RAP1GAP: variants seen among roughly 807,000 people sequenced by gnomAD.
RAP1GAP encodes rap1 GTPase-activating protein 1.
A neutral mutation model predicts 87.2 loss-of-function variants in RAP1GAP; 35 were observed. The observed-to-expected ratio is 0.40, with a 90% CI of 0.31 to 0.53. RAP1GAP has a LOEUF of 0.53. Ranked by LOEUF, RAP1GAP falls within the 20% of genes least tolerant of loss-of-function variation. The pLI, the probability that RAP1GAP is intolerant of heterozygous loss-of-function variation, is 0.48. For synonymous variants in RAP1GAP, 375 were observed against 363.9 expected, an observed-to-expected ratio of 1.03 and a Z score of -0.35; for missense variants, 734 against 898.9, an observed-to-expected ratio of 0.82 and a Z score of 2.35.
chr1:21,620,542 G>T (rs112324778), intron 3 of RAP1GAP, among the ~76,000 whole-genome samples: 22,727 of 43,772 alleles, frequency 0.52, 1,890 homozygotes, highest in Middle Eastern at 0.6. Context: ...ATGCCCAGCG[G>T]CCCAGCACCT....
At chr1:21,643,629 C>T (rs2095756254) in intron 2 of RAP1GAP, among the ~76,000 whole-genome samples, 1 of 151,988 alleles carries the variant, frequency 6.6e-6, no homozygotes, top group African/African-American at 2.4e-5. Context: ...CCCCCTGTGG[C>T]CACGACAGTG....
In RAP1GAP at chr1:21,613,859, T is replaced by G. The variant is rs1236850782; in HGVS notation, c.395+127A>C. Reference sequence around the variant, plus strand: ...GGCTGACTCGGGTACTAACTTGCTGTGCAACCTCAAGCAAATCCCTGCCCC... The same window carrying G: ...GGCTGACTCGGGTACTAACTTGCTGGGCAACCTCAAGCAAATCCCTGCCCC... On this transcript the variant is annotated intron_variant, in intron 8 of 24. Transcript: ENST00000374765. This position sits in a 1 kb window ranked among gnomAD's most constrained non-coding sequence, Gnocchi z 4.7. 3.5e-6 allele frequency: 4 copies of G among 1,144,992 alleles called. No homozygotes were observed. Among genetic ancestry groups the G allele is most frequent in the Non-Finnish European group, 5.1e-6 (4 of 784,478 alleles). The allele number at this position is 1,144,992 out of a possible 1,614,324, so 70.9% of individuals were successfully genotyped here. A position where few individuals can be genotyped will look rare whatever the true frequency, so the allele number is the denominator to read the frequency against.
chr1:21,651,730 A>C, intron 1 of RAP1GAP: 30 of 1,108,726 alleles, frequency 2.7e-5, no homozygotes, highest in Non-Finnish European at 3.4e-5. Flanking sequence ...CCACGCGTGC[A>C]CACGCACACG....
chr1:21,623,882 T>C (rs1297609863), intron 3 of RAP1GAP, among the ~76,000 whole-genome samples: 2 of 152,148 alleles, frequency 1.3e-5, no homozygotes, highest in African/African-American at 2.4e-5. Flanking sequence ...CCAGGTGGCA[T>C]GGAAGGTGTG....
chr1:21,647,843 G>A (rs570369030), intron 2 of RAP1GAP, among the ~76,000 whole-genome samples: 8 of 150,950 alleles, frequency 5.3e-5, no homozygotes, highest in Admixed American at 1.3e-4. Flanking sequence ...AGTTGGGCTG[G>A]AGGTGTGGCG....
chr1:21,644,078 A>G (rs1427358026), intron 2 of RAP1GAP, among the ~76,000 whole-genome samples: 2 of 152,188 alleles, frequency 1.3e-5, no homozygotes, highest in Admixed American at 1.3e-4. Context: ...AAGATCACAC[A>G]GCCAAACAGT....
intron 1 of RAP1GAP, among the ~76,000 whole-genome samples, chr1:21,660,545 G>T (rs2097115582): frequency 6.6e-6 from 1 of 151,372 alleles, no homozygotes; most frequent in Admixed American, 6.6e-5. Flanking sequence ...TTTTGGCCAG[G>T]CTGGTCTTCA....
chr1:21,641,600 C>T (rs2095530516), intron 2 of RAP1GAP, among the ~76,000 whole-genome samples: 1 of 152,230 alleles, frequency 6.6e-6, no homozygotes, highest in Admixed American at 6.5e-5. Context: ...AGTTCTTAGA[C>T]TAGTACCTGG....
In RAP1GAP at chr1:21,634,578, A is replaced by T. The variant is rs1372365426; in HGVS notation, c.-112-8181T>A. On this transcript the variant is annotated intron_variant, in intron 2 of 24. Coordinates refer to ENST00000374765, the MANE Select transcript of RAP1GAP (RefSeq NM_002885.4). This position sits in a 1 kb window ranked among gnomAD's most constrained non-coding sequence, Gnocchi z 4.1. Reference sequence around the variant, plus strand: ...CCCCAAGCTGGGCAGAGGGATGGGCAGGAAGGTGGCACATGGGGCCGCCAC... The same window carrying T: ...CCCCAAGCTGGGCAGAGGGATGGGCTGGAAGGTGGCACATGGGGCCGCCAC... Among the ~76,000 whole-genome samples, 3 of 152,182 alleles carry T rather than the reference A, an allele frequency of 2.0e-5. No individual in the cohort carries two copies. Among genetic ancestry groups the T allele is most frequent in the Admixed American group, 2.0e-4 (3 of 15,284 alleles).
Position 21,603,793 on chromosome 1 carries a change from G to T in RAP1GAP, c.1429-880C>A. The T allele has an allele frequency of 6.4e-7, 1 of 1,567,896 alleles. No homozygotes were observed. Among genetic ancestry groups the T allele is most frequent in the Non-Finnish European group, 8.8e-7 (1 of 1,138,888 alleles). Reference sequence around the variant, plus strand: ...CCTGAGAGCGAGCAGAGAACAGCGCGTGCAGGCAGCCTCCAGAGCCGGCGG... The same window carrying T: ...CCTGAGAGCGAGCAGAGAACAGCGCTTGCAGGCAGCCTCCAGAGCCGGCGG... On this transcript the variant is annotated intron_variant, in intron 18 of 24. Transcript: ENST00000374765. This position sits in a 1 kb window ranked among gnomAD's most constrained non-coding sequence, Gnocchi z 6.0.
At chr1:21,646,420 C>T (rs2096061788) in intron 2 of RAP1GAP, among the ~76,000 whole-genome samples, 3 of 152,226 alleles carry the variant, frequency 2.0e-5, no homozygotes, top group African/African-American at 7.2e-5. Flanking sequence ...CCAGCCTTCA[C>T]CAGCTGTGAC....
At chr1:21,627,037 T>G (rs1311055185) in intron 2 of RAP1GAP, 3 of 456,132 alleles carry the variant, frequency 6.6e-6, no homozygotes, top group African/African-American at 6.0e-5. Context: ...CCGGACTCTC[T>G]GCCCACACCA....
intron 2 of RAP1GAP, among the ~76,000 whole-genome samples, chr1:21,646,061 T>C (rs1180708888): frequency 6.6e-6 from 1 of 152,194 alleles, no homozygotes; most frequent in East Asian, 1.9e-4. Context: ...TTCCCTCATC[T>C]GTAAAATGGG....
chr1:21,624,808 G>A (rs1467974385), intron 3 of RAP1GAP, among the ~76,000 whole-genome samples: 1 of 151,332 alleles, frequency 6.6e-6, no homozygotes, highest in Non-Finnish European at 1.5e-5. Flanking sequence ...GCCAACCCCA[G>A]GCTGTCTAGC....
At chr1:21,653,568 C>T (rs1456656286) in intron 1 of RAP1GAP, among the ~76,000 whole-genome samples, 4 of 135,412 alleles carry the variant, frequency 3.0e-5, no homozygotes, top group Non-Finnish European at 4.9e-5. Context: ...TCCTTCCTTC[C>T]TTCCTTCCTT....
chr1:21,619,563 T>C (rs923391234), intron 4 of RAP1GAP, among the ~76,000 whole-genome samples: 6 of 152,076 alleles, frequency 3.9e-5, no homozygotes, highest in African/African-American at 1.4e-4. Context: ...TGCATACCTA[T>C]GTGAAACGCA....
chr1:21,669,344 C>G lies in RAP1GAP; in HGVS notation c.-239G>C, dbSNP rs563552456. 2 of 1,067,166 alleles carry G rather than the reference C, an allele frequency of 1.9e-6. No homozygotes were observed. The highest frequency in any genetic ancestry group is 1.2e-4 in the Admixed American group (2 of 16,574). 66.1% of individuals were successfully genotyped at this position (1,067,166 alleles called of 1,614,324 possible). ...CTGCTCAGATGCGGCCGGCGCTCGC[C>G]GCCGCCGCAGTTCGGGGAGGGGGAC... On this transcript the variant is annotated 5_prime_UTR_variant, in exon 1 of 25. Transcript: ENST00000374765. The surrounding 1 kb of genome is among the most constrained non-coding windows in gnomAD (Gnocchi z 5.6).
At chr1:21,641,383 T>C (rs556986664) in intron 2 of RAP1GAP, among the ~76,000 whole-genome samples, 10 of 152,310 alleles carry the variant, frequency 6.6e-5, no homozygotes, top group African/African-American at 1.9e-4. Context: ...ACCCTCTGCC[T>C]GGACTACTCT....
In RAP1GAP at chr1:21,602,887, G is replaced by A. The variant is rs2070075890; in HGVS notation, c.1455C>T (p.Pro485=). ...CGAACGGGCCCGACTTCTTCCTCGT[G>A]GGGCTCTTCCCAGGGACAATCAGTG... ...GISLIVPGKS[P]TRKKSGPFGS... is the part of the protein sequence containing the mutation. The change falls in exon 19 of 25, where the codon CCC becomes CCT. Residue 485 remains proline (P), a synonymous_variant. Transcript: ENST00000374765. 2 of 1,610,278 alleles carry A rather than the reference G, an allele frequency of 1.2e-6. No homozygotes were observed. Among genetic ancestry groups the A allele is most frequent in the African/African-American group, 2.7e-5 (2 of 75,034 alleles).
Sources: allele counts gnomAD v4.1 joint callset (sites outside exome capture counted in the v4.1 genomes callset), GRCh38; gene constraint gnomAD v4.1.1; non-coding constraint Gnocchi (gnomAD v3.1); transcripts MANE v1.5; gene names NCBI Gene and HGNC (gene_info 2026-07-23, HGNC 2026-07-21).